The following NAGPA variants were observed in gnomAD, a reference collection of about 807,000 sequenced individuals.
The protein encoded by NAGPA is N-acetylglucosamine-1-phosphodiester alpha-N-acetylglucosaminidase, also known as alpha-N-acetylglucosaminyl phosphodiesterase.
In NAGPA, 56 loss-of-function variants were observed where a neutral mutation model predicts 48.5. That is an observed-to-expected ratio of 1.15 (90% CI 0.93 to 1.44). The LOEUF is 1.44. Among genes scored for constraint, NAGPA ranks in the 40% most tolerant of loss-of-function variants. NAGPA has a pLI of 0.00. For synonymous variants in NAGPA, 399 were observed against 315.5 expected, an observed-to-expected ratio of 1.26 and a Z score of -2.81; for missense variants, 888 against 735.0, an observed-to-expected ratio of 1.21 and a Z score of -2.41.
chr16:5,028,749 G>T (rs921309470), intron 5 of NAGPA, 131 bp downstream of exon 5: 28 of 1,427,468 alleles, frequency 2.0e-5, no homozygotes, highest in Middle Eastern at 3.6e-4. Flanking sequence ...CTGGGGGAGG[G>T]ACTGCAGCAA....
At position 5,027,966 on chromosome 16, in the gene NAGPA, G is replaced by A; in HGVS notation, c.1126+14C>T. 1 of 1,526,238 alleles carries A rather than the reference G, an allele frequency of 6.6e-7. No homozygotes were observed. The highest frequency in any genetic ancestry group is 8.9e-7 in the Non-Finnish European group (1 of 1,129,498). The allele number at this position is 1,526,238 out of a possible 1,614,324, so 94.5% of individuals were successfully genotyped here. A position where few individuals can be genotyped will look rare whatever the true frequency, so the allele number is the denominator to read the frequency against. ...AGGGCTGGGCAGAGCCCCCTCCCCA[G>A]AACCCCCACTCACTCTCCGTGCACA... On this transcript the variant is annotated intron_variant, in intron 6 of 9. Coordinates refer to ENST00000312251, the MANE Select transcript of NAGPA (RefSeq NM_016256.4).
chr16:5,027,802 G>C (rs1406840556), intron 7 of NAGPA, 44 bp downstream of exon 7: 2 of 1,550,546 alleles, frequency 1.3e-6, no homozygotes, highest in Admixed American at 3.9e-5. Flanking sequence ...GGGGCTGCCG[G>C]GGGCCACCGT....
intron 2 of NAGPA, 71 bp from the exon 3 acceptor site, chr16:5,031,955 T>C: frequency 1.2e-6 from 2 of 1,604,528 alleles, no homozygotes; most frequent in Non-Finnish European, 1.7e-6. Flanking sequence ...TCTTTCTCCC[T>C]AGCCATCCCA....
At chr16:5,028,553 G>A (rs1956046132) in intron 5 of NAGPA, 1 of 562,524 alleles carries the variant, frequency 1.8e-6, no homozygotes, top group South Asian at 1.9e-5. Context: ...TCTTTTATAG[G>A]TTCCTCCGCT....
At position 5,027,198 on chromosome 16, in the gene NAGPA, A is replaced by G; in HGVS notation, c.1277T>C (p.Val426Ala). Residue 426 changes from valine (V) to alanine (A), a missense_variant and splice_region_variant, in exon 9 of 10, where the codon GTA becomes GCA. Transcript: ENST00000312251. Reference protein sequence around the residue: ...PKTGNCSVSRVKQCLQPPEAT... With the variant: ...PKTGNCSVSRAKQCLQPPEAT... Reference sequence around the variant, plus strand: ...TTCAGGTGGCTGGAGACACTGCTTTACTGTAACATACCAGAGACAGGCTGA... The same window carrying G: ...TTCAGGTGGCTGGAGACACTGCTTTGCTGTAACATACCAGAGACAGGCTGA... 1 of 1,614,132 alleles carries G rather than the reference A, an allele frequency of 6.2e-7. No individual in the cohort carries two copies. The highest frequency in any genetic ancestry group is 1.1e-5 in the South Asian group (1 of 91,088).
At position 5,028,869 on chromosome 16, in the gene NAGPA, C is replaced by G; in HGVS notation, c.920+11G>C. 4 of 1,613,994 alleles carry G rather than the reference C, an allele frequency of 2.5e-6. No homozygotes were observed. In the South Asian group the frequency reaches 4.4e-5, roughly 18 times the overall value. ...CTTCAGCCCTCACGAAGGCGGCTCTCACGTGCTTACCAGTGATCTGACGGG... is the reference window on the plus strand; with the variant it reads ...CTTCAGCCCTCACGAAGGCGGCTCTGACGTGCTTACCAGTGATCTGACGGG... On this transcript the variant is annotated intron_variant, in intron 5 of 9. Coordinates refer to ENST00000312251, the MANE Select transcript of NAGPA (RefSeq NM_016256.4).
rs1955971406 is a variant in NAGPA, at chr16:5,025,099, G to T, written c.*379C>A. 7.2e-6 allele frequency: 2 copies of T among 278,412 alleles called. No homozygotes were observed. Among genetic ancestry groups the T allele is most frequent in the African/African-American group, 4.3e-5 (2 of 46,794 alleles). The allele number at this position is 278,412 out of a possible 1,614,324, so 17.2% of individuals were successfully genotyped here. A position where few individuals can be genotyped will look rare whatever the true frequency, so the allele number is the denominator to read the frequency against. ...TCCCTTTAACCCACTCCAGCCAGGG[G>T]TGCTGGCCAGGATGTGCTGTTCTGT... On this transcript the variant is annotated 3_prime_UTR_variant, in exon 10 of 10. Coordinates refer to ENST00000312251, the MANE Select transcript of NAGPA (RefSeq NM_016256.4).
At position 5,025,448 on chromosome 16, in the gene NAGPA, G is replaced by C. The variant is rs377435091; in HGVS notation, c.*30C>G. The C allele has an allele frequency of 4.1e-4, 656 of 1,609,002 alleles. 4 individuals are homozygous for C. The African/African-American group carries it at 8.1e-3, about 20-fold the overall frequency. On this transcript the variant is annotated 3_prime_UTR_variant, in exon 10 of 10. Coordinates refer to ENST00000312251, the MANE Select transcript of NAGPA (RefSeq NM_016256.4). Reference sequence around the variant, plus strand: ...CCAGACCGTGGGGAAACAAGCTTTCGCGACGTGCCACCCCGGGCAGCTTGA... The same window carrying C: ...CCAGACCGTGGGGAAACAAGCTTTCCCGACGTGCCACCCCGGGCAGCTTGA...
rs766934812 is a variant in NAGPA, at chr16:5,033,644, G to A, written c.171C>T (p.Gly57=). The A allele has an allele frequency of 8.4e-6, 13 of 1,539,772 alleles. No homozygotes were observed. The highest frequency in any genetic ancestry group is 1.0e-5 in the Non-Finnish European group (12 of 1,154,406). Reference sequence around the variant, plus strand: ...GAGGCCAACTCTCGTGCTCGCGGTTGCCGGCGCGCACCCGTGTGCAGTCCC... The same window carrying A: ...GAGGCCAACTCTCGTGCTCGCGGTTACCGGCGCGCACCCGTGTGCAGTCCC... ...LPRDCTRVRA[G]NREHESWPPP... Residue 57 remains glycine, a synonymous_variant, in exon 2 of 10, where the codon GGC becomes GGT. Coordinates refer to ENST00000312251, the MANE Select transcript of NAGPA (RefSeq NM_016256.4). This position sits in a 1 kb window ranked among gnomAD's most constrained non-coding sequence, Gnocchi z 4.2.
chr16:5,033,783 C>T lies in NAGPA; in HGVS notation c.86+46G>A, dbSNP rs1956151407. On this transcript the variant is annotated intron_variant, in intron 1 of 9. Transcript: ENST00000312251. The surrounding 1 kb of genome is among the most constrained non-coding windows in gnomAD (Gnocchi z 4.2). ...GGGCTGTCCTCGTGAGCTCGGAGGA[C>T]AGGGGGGACCCCCCGAACCAGGCTG... 1 of 1,575,428 alleles carries T rather than the reference C, an allele frequency of 6.3e-7. No individual in the cohort carries two copies. Among genetic ancestry groups the T allele is most frequent in the Non-Finnish European group, 8.6e-7 (1 of 1,161,574 alleles).
Position 5,025,218 on chromosome 16 carries a change from G to C in NAGPA, c.*260C>G, listed in dbSNP as rs1185141946. On this transcript the variant is annotated 3_prime_UTR_variant, in exon 10 of 10. Coordinates refer to ENST00000312251, the MANE Select transcript of NAGPA (RefSeq NM_016256.4). ...TGCGGCAGCCCTCCCGGGGGCACGG[G>C]CTTCTCGGCAGCAGACACAGGCAGG... 2 of 550,554 alleles carry C rather than the reference G, an allele frequency of 3.6e-6. No individual in the cohort carries two copies. Among genetic ancestry groups the C allele is most frequent in the Admixed American group, 3.1e-5 (1 of 32,276 alleles). The allele number at this position is 550,554 out of a possible 1,614,324, so 34.1% of individuals were successfully genotyped here.
chr16:5,031,526 C>G (rs962651237), intron 3 of NAGPA: 1 of 621,522 alleles, frequency 1.6e-6, no homozygotes. Flanking sequence ...ATTTTTGTTT[C>G]TGAGCACTTA....
At chr16:5,032,229 C>G (rs956667342) in intron 2 of NAGPA, among the ~76,000 whole-genome samples, 3 of 152,308 alleles carry the variant, frequency 2.0e-5, no homozygotes, top group Non-Finnish European at 4.4e-5. Flanking sequence ...TGTTACGGCC[C>G]TTCATTGGCT....
At chr16:5,027,806 C>T (rs1316448198) in intron 7 of NAGPA, 40 bp downstream of exon 7, 2 of 1,550,530 alleles carry the variant, frequency 1.3e-6, no homozygotes, top group Non-Finnish European at 1.7e-6. Context: ...CTGCCGGGGG[C>T]CACCGTCTCC....
intron 3 of NAGPA, chr16:5,030,746 C>G: frequency 1.8e-6 from 1 of 547,548 alleles, no homozygotes; most frequent in Non-Finnish European, 3.3e-6. Context: ...GTTCTTAGAA[C>G]AAAATCCAAA....
chr16:5,032,164 C>A (rs890882960), intron 2 of NAGPA, among the ~76,000 whole-genome samples: 3 of 152,118 alleles, frequency 2.0e-5, no homozygotes, highest in African/African-American at 7.2e-5. Context: ...GAGCTCAAAT[C>A]CATCTATGGC....
chr16:5,030,669 G>T, intron 3 of NAGPA, 176 bp from the exon 4 acceptor site: 2 of 672,646 alleles, frequency 3.0e-6, no homozygotes, highest in African/African-American at 1.8e-5. Context: ...GCAGCCGGGG[G>T]GTCTCTTCTT....
rs111530245 is a variant in NAGPA at position 5,031,460 on chromosome 16, T to G, written c.682+285A>C. The stretch of plus-strand genomic sequence containing the variant: ...CCATGAAGATTTTTTTCTCTTCACT[T>G]TTCTCTTCCTGTACCCACAGCTCCG... On this transcript the variant is annotated intron_variant, in intron 3 of 9. Transcript: ENST00000312251. 2.2e-4 allele frequency: 93 copies of G among 416,028 alleles called. 1 individual carries two copies. The highest frequency in any genetic ancestry group is 1.3e-3 in the African/African-American group (65 of 49,456). The allele number at this position is 416,028 out of a possible 1,614,324, so 25.8% of individuals were successfully genotyped here.
At position 5,033,454 on chromosome 16, in the gene NAGPA, C is replaced by T. The variant is rs376983449; in HGVS notation, c.361G>A (p.Ala121Thr). 5 of 1,585,996 alleles carry T rather than the reference C, an allele frequency of 3.2e-6. No individual in the cohort carries two copies. The South Asian group carries it at 4.5e-5, about 14-fold the overall frequency. The change falls in exon 2 of 10, where the codon GCC becomes ACC. Residue 121 changes from alanine to threonine, a missense_variant. Transcript: ENST00000312251. This position sits in a 1 kb window ranked among gnomAD's most constrained non-coding sequence, Gnocchi z 4.2. ...GPGGCAARRR[A>T]TVEETARAAD... ...GCCCGCGCCGTCTCCTCCACGGTGG[C>T]GCGTCGTCTCGCCGCGCAGCCGCCG... is the stretch of plus-strand genomic sequence containing the variant.
Sources: allele counts gnomAD v4.1 joint callset (sites outside exome capture counted in the v4.1 genomes callset), GRCh38; gene constraint gnomAD v4.1.1; non-coding constraint Gnocchi (gnomAD v3.1); transcripts MANE v1.5; gene names NCBI Gene and HGNC (gene_info 2026-07-23, HGNC 2026-07-21).